Variants in UBXN11 observed in about 807,000 individuals in gnomAD.
UBXN11 encodes the protein UBX domain protein 11.
In UBXN11, 47 loss-of-function variants were observed where a neutral mutation model predicts 62.8. The ratio of observed to expected loss-of-function variants is 0.75; its 90% CI spans 0.59 to 0.95. UBXN11 has a LOEUF of 0.95. Among genes scored for constraint, UBXN11 ranks in the 40% least tolerant of loss-of-function variants. UBXN11 has a pLI of 0.00. For missense variants in UBXN11, 638 were observed against 661.7 expected (o/e 0.96, Z 0.39); for synonymous variants, 294 against 267.0 (o/e 1.10, Z -0.99).
At chr1:26,310,167 G>A (rs943878949), upstream of UBXN11, among the ~76,000 whole-genome samples, 1 of 152,190 alleles carries the variant, frequency 6.6e-6, no homozygotes, top group African/African-American at 2.4e-5. Context: ...TTGGGAGGCC[G>A]AGGTGGGTGA....
At chr1:26,294,556 A>G (rs2073350654) in intron 7 of UBXN11, among the ~76,000 whole-genome samples, 1 of 152,236 alleles carries the variant, frequency 6.6e-6, no homozygotes, top group African/African-American at 2.4e-5. Context: ...ATGGAGTGAC[A>G]GTTCCTGCCA....
chr1:26,318,025 G>A (rs570039509), intron 1 of UBXN11: 20 of 1,614,058 alleles, frequency 1.2e-5, no homozygotes, highest in South Asian at 5.5e-5. Flanking sequence ...AAAATGAAGC[G>A]CTTCCTCTTC....
chr1:26,311,567 C>T (rs1006999204), upstream of UBXN11, among the ~76,000 whole-genome samples: 5 of 151,772 alleles, frequency 3.3e-5, no homozygotes, highest in Non-Finnish European at 4.4e-5. Context: ...CTCAGCCTCC[C>T]GAGTAGCTAA....
upstream of UBXN11, among the ~76,000 whole-genome samples, chr1:26,309,427 A>G (rs187928534): frequency 3.1e-3 from 468 of 150,598 alleles, no homozygotes; most frequent in South Asian, 4.8e-3. Context: ...TTTAGTAGAG[A>G]TGGGGTTTCA....
chr1:26,284,088 G>A, intron 12 of UBXN11, 54 bp downstream of exon 12: 1 of 1,521,366 alleles, frequency 6.6e-7, no homozygotes. Flanking sequence ...GGCTGGACCA[G>A]GGCTGGTGCT....
intron 12 of UBXN11, 136 bp from the exon 13 acceptor site, chr1:26,283,073 C>T: frequency 8.7e-7 from 1 of 1,143,980 alleles, no homozygotes; most frequent in Non-Finnish European, 1.3e-6. Flanking sequence ...TCTGTATAAA[C>T]CAAGGCCAGA....
At chr1:26,283,777 A>G (rs527653090) in intron 12 of UBXN11, among the ~76,000 whole-genome samples, 1 of 152,330 alleles carries the variant, frequency 6.6e-6, no homozygotes, top group East Asian at 1.9e-4. Flanking sequence ...GAGGAGAAGC[A>G]GAATAGGGAG....
intron 10 of UBXN11, chr1:26,285,145 T>C (rs1490168568): frequency 1.8e-6 from 2 of 1,132,398 alleles, no homozygotes; most frequent in African/African-American, 3.3e-5. Context: ...TTCAGGAGAC[T>C]TGGGGGACAG....
In UBXN11 at chr1:26,302,850, G is replaced by C. The variant is rs369398037; in HGVS notation, c.34C>G (p.Arg12Gly). The change falls in exon 2 of 15, where the codon CGA (arginine) becomes GGA (glycine). Residue 12 changes from arginine (R) to glycine (G), a missense_variant. By Grantham distance (125) the Arg-to-Gly change is moderately radical. Transcript: ENST00000374222. ...GGCTCCGAGGGCAGGGGCACTTTTC[G>C]GGTCTTGCTAAGGGAGGCCAAAGGT... Reference protein sequence around the residue: ...SSPLASLSKTRKVPLPSEPMN... With the variant: ...SSPLASLSKTGKVPLPSEPMN... The C allele has an allele frequency of 1.9e-6, 3 of 1,613,772 alleles. No individual in the cohort carries two copies. Among genetic ancestry groups the C allele is most frequent in the Non-Finnish European group, 2.5e-6 (3 of 1,179,910 alleles).
chr1:26,314,180 T>G (rs2073769693), intron 1 of UBXN11, among the ~76,000 whole-genome samples: 1 of 152,214 alleles, frequency 6.6e-6, no homozygotes, highest in African/African-American at 2.4e-5. Flanking sequence ...AAAATTTGAT[T>G]GATTATTCCA....
intron 8 of UBXN11, among the ~76,000 whole-genome samples, chr1:26,291,497 CAG>C (rs1298516819): frequency 4.6e-5 from 7 of 152,204 alleles, no homozygotes; most frequent in African/African-American, 1.7e-4. Flanking sequence ...TTGAGGCACT[CAG>C]AGCACAAACA....
intron 7 of UBXN11, 122 bp from the exon 8 acceptor site, chr1:26,294,453 C>T (rs768394592): frequency 7.1e-7 from 1 of 1,414,912 alleles, no homozygotes; most frequent in Non-Finnish European, 9.4e-7. Flanking sequence ...GCTGACCAGA[C>T]AAAGGGATGA....
At chr1:26,284,771 G>A (rs1164929572) in intron 10 of UBXN11, 2 of 1,197,166 alleles carry the variant, frequency 1.7e-6, no homozygotes, top group East Asian at 4.0e-5. Flanking sequence ...AGTGTGAGGG[G>A]GTCAGGAGAG....
At chr1:26,304,743 A>C (rs1010903447) in intron 1 of UBXN11, among the ~76,000 whole-genome samples, 2 of 151,794 alleles carry the variant, frequency 1.3e-5, no homozygotes, top group East Asian at 3.9e-4. Flanking sequence ...ACAGAGCAAG[A>C]CTCCATCTCA....
intron 8 of UBXN11, among the ~76,000 whole-genome samples, chr1:26,288,503 C>T (rs1272264254): frequency 6.6e-6 from 1 of 152,192 alleles, no homozygotes; most frequent in Non-Finnish European, 1.5e-5. Context: ...AGAGCTACCA[C>T]AGCAGGGCCT....
intron 1 of UBXN11, among the ~76,000 whole-genome samples, chr1:26,313,646 TCTTTA>T (rs1274648662): frequency 6.6e-6 from 1 of 152,182 alleles, no homozygotes; most frequent in Non-Finnish European, 1.5e-5. Context: ...TTTCTTACGA[TCTTTA>T]CTTCACTTCA....
intron 8 of UBXN11, among the ~76,000 whole-genome samples, chr1:26,291,545 G>A (rs1005925450): frequency 2.0e-5 from 3 of 152,150 alleles, no homozygotes; most frequent in Non-Finnish European, 4.4e-5. Flanking sequence ...ACAGAGCCAG[G>A]TCCAGAAACC....
intron 7 of UBXN11, 103 bp downstream of exon 7, chr1:26,296,816 G>A (rs1212853001): frequency 2.5e-6 from 3 of 1,213,008 alleles, no homozygotes; most frequent in Non-Finnish European, 2.3e-6. Flanking sequence ...ATGTGACGAG[G>A]AGAGGCCCAG....
Position 26,282,798 on chromosome 1 carries a change from C to G in UBXN11, c.1152-9G>C. The G allele has an allele frequency of 6.2e-7, 1 of 1,614,144 alleles. No individual in the cohort carries two copies. Among genetic ancestry groups the G allele is most frequent in the Non-Finnish European group, 8.5e-7 (1 of 1,180,018 alleles). On this transcript the variant is annotated splice_polypyrimidine_tract_variant and intron_variant, in intron 13 of 14. Transcript: ENST00000374222. ...TGGGTGACTCCTGGCTCCTGCACAG[C>G]CCAGAGGCCATCAGCACGCGGTGAC...
Sources: allele counts gnomAD v4.1 joint callset (sites outside exome capture counted in the v4.1 genomes callset), GRCh38; gene constraint gnomAD v4.1.1; transcripts MANE v1.5; gene names NCBI Gene and HGNC (gene_info 2026-07-23, HGNC 2026-07-21).